NOTCH1: variants seen among roughly 807,000 people sequenced by gnomAD.
The protein encoded by NOTCH1 is neurogenic locus notch homolog protein 1.
In NOTCH1, 37 loss-of-function variants were observed where a neutral mutation model predicts 254.8. That is an observed-to-expected ratio of 0.15 (90% CI 0.11 to 0.19). The LOEUF (loss-of-function observed/expected upper bound fraction) is 0.19. Among genes scored for constraint, NOTCH1 ranks in the 10% least tolerant of loss-of-function variants. The pLI, the probability that NOTCH1 is intolerant of heterozygous loss-of-function variation, is 1.00. For synonymous variants in NOTCH1, 1,731 were observed against 1,618.1 expected (o/e 1.07, Z -1.68); for missense variants, 2,972 against 3,708.6 (o/e 0.80, Z 5.16).
chr9:136,518,628 C>G lies in NOTCH1; in HGVS notation c.1062G>C (p.Val354=), dbSNP rs767138404. Residue 354 remains valine, a synonymous_variant, in exon 6 of 34, where the codon GTG becomes GTC. Transcript: ENST00000651671. The stretch of plus-strand genomic sequence containing the variant: ...GGGGACACTCGCAGTAGAAGGAGGC[C>G]ACACGGTCATGGCAGGTGGCGCCGT... The part of the protein sequence containing the change: ...CFHGATCHDR[V]ASFYCECPHG... 13 of 1,612,716 alleles carry G rather than the reference C, an allele frequency of 8.1e-6. No homozygotes were observed. Among genetic ancestry groups the G allele is most frequent in the Admixed American group, 1.7e-5 (1 of 60,002 alleles).
At chr9:136,541,279 C>G (rs955412271) in intron 2 of NOTCH1, among the ~76,000 whole-genome samples, 1 of 152,174 alleles carries the variant, frequency 6.6e-6, no homozygotes, top group Non-Finnish European at 1.5e-5. Flanking sequence ...TTTTTCCAAT[C>G]CCGGGCCCTG....
chr9:136,511,297 C>A lies in NOTCH1; in HGVS notation c.2468-26G>T, dbSNP rs1019272684. 5 of 1,596,826 alleles carry A rather than the reference C, an allele frequency of 3.1e-6. No individual in the cohort carries two copies. In the African/African-American group the frequency reaches 4.0e-5, roughly 13 times the overall value. On this transcript the variant is annotated intron_variant, in intron 15 of 33. Transcript: ENST00000651671. ...CTGCGGGAAGGAGACACACGTGACC[C>A]CGGGAGCCTCACCCAGAGGGATCTC...
At chr9:136,500,451 C>T (rs985771124) in intron 31 of NOTCH1, 101 bp downstream of exon 31, 1 of 1,447,336 alleles carries the variant, frequency 6.9e-7, no homozygotes, top group Non-Finnish European at 9.6e-7. Flanking sequence ...CTCAGCTGTG[C>T]TCGGGGTCAG....
chr9:136,509,228 T>G (rs1843138862), intron 18 of NOTCH1, among the ~76,000 whole-genome samples, 157 bp from the exon 19 acceptor site: 1 of 152,146 alleles, frequency 6.6e-6, no homozygotes, highest in African/African-American at 2.4e-5. Context: ...GGGAGGCCAG[T>G]GGGAACCCGG....
intron 31 of NOTCH1, 130 bp downstream of exon 31, chr9:136,500,422 A>C: frequency 8.9e-7 from 1 of 1,128,820 alleles, no homozygotes. Context: ...TCCCAGGTGG[A>C]GGCACCAGTT....
rs576944077 is a variant in NOTCH1 at position 136,540,888 on chromosome 9, G to A, written c.140+3136C>T. On this transcript the variant is annotated intron_variant, in intron 2 of 33. Coordinates refer to ENST00000651671, the MANE Select transcript of NOTCH1 (RefSeq NM_017617.5). The surrounding 1 kb of genome is among the most constrained non-coding windows in gnomAD (Gnocchi z 4.4). ...CCCTGCCTCAACGCCCAGCCCAGAC[G>A]CAGGCAGCCCTGGGAGAGCGTTTCA... is the stretch of plus-strand genomic sequence containing the variant. 2.0e-5 allele frequency among the ~76,000 whole-genome samples: 3 copies of A among 152,240 alleles called. No individual in the cohort carries two copies. The highest frequency in any genetic ancestry group is 6.5e-5 in the Admixed American group (1 of 15,298).
At chr9:136,524,289 G>A (rs532780949) in intron 2 of NOTCH1, among the ~76,000 whole-genome samples, 1 of 152,324 alleles carries the variant, frequency 6.6e-6, no homozygotes, top group South Asian at 2.1e-4. Flanking sequence ...CTGGGTGACA[G>A]AGCAAGACTC....
chr9:136,513,074 G>C lies in NOTCH1; in HGVS notation c.2414C>G (p.Thr805Arg). ...CASNPCLNQG[T>R]CIDDVAGYKC... ...GTACCCGGCAACGTCGTCAATACAC[G>C]TGCCCTGGTTCAGACATGGGTTGGA... Residue 805 changes from threonine (T) to arginine (R), a missense_variant, in exon 15 of 34, where the codon ACG (threonine) becomes AGG (arginine). Coordinates refer to ENST00000651671, the MANE Select transcript of NOTCH1 (RefSeq NM_017617.5). The surrounding 1 kb of genome is among the most constrained non-coding windows in gnomAD (Gnocchi z 4.7). The C allele has an allele frequency of 1.3e-6, 2 of 1,542,744 alleles. No homozygotes were observed. Among genetic ancestry groups the C allele is most frequent in the South Asian group, 2.2e-5 (2 of 90,092 alleles).
chr9:136,516,167 C>T (rs1400478668), intron 9 of NOTCH1, 73 bp from the exon 10 acceptor site: 23 of 1,188,240 alleles, frequency 1.9e-5, no homozygotes, highest in Non-Finnish European at 2.4e-5. Context: ...CCTGGCCAGA[C>T]CCCAGCAGTG....
intron 2 of NOTCH1, among the ~76,000 whole-genome samples, chr9:136,537,304 C>T (rs1378547569): frequency 6.6e-6 from 1 of 152,156 alleles, no homozygotes; most frequent in African/African-American, 2.4e-5. Flanking sequence ...AGTTCTAGTC[C>T]ACGCGTGACA....
At chr9:136,535,460 TAGGC>T (rs1843631548) in intron 2 of NOTCH1, among the ~76,000 whole-genome samples, 1 of 132,050 alleles carries the variant, frequency 7.6e-6, no homozygotes, top group Non-Finnish European at 1.6e-5. Context: ...GGGTGCAGGG[TAGGC>T]GGGGAGCACT....
In NOTCH1 at chr9:136,496,110, C is replaced by T. The variant is rs2133313808; in HGVS notation, c.7629G>A (p.Met2543Ile). Reference sequence around the variant, plus strand: ...CCGGAATGCGGGCGATCTGGGACTGCATGCTGGTGGGAGGGCTGGAGACGC... The same window carrying T: ...CCGGAATGCGGGCGATCTGGGACTGTATGCTGGTGGGAGGGCTGGAGACGC... ...SEGVSSPPTS[M>I]QSQIARIPEA... The change falls in exon 34 of 34, where the codon ATG becomes ATA. Residue 2543 changes from methionine to isoleucine, a missense_variant. Around this residue, in one of 8 missense-constraint regions of NOTCH1, gnomAD observed 85 missense variants for 126.1 expected, o/e 0.67. Transcript: ENST00000651671. 1.2e-6 allele frequency: 2 copies of T among 1,608,874 alleles called. No individual in the cohort carries two copies. The highest frequency in any genetic ancestry group is 8.5e-7 in the Non-Finnish European group (1 of 1,179,400).
intron 2 of NOTCH1, among the ~76,000 whole-genome samples, chr9:136,539,189 C>T (rs758441546): frequency 1.3e-5 from 2 of 152,194 alleles, no homozygotes; most frequent in Non-Finnish European, 2.9e-5. Context: ...CTTTCTCCCT[C>T]TCTCTTTTTC....
rs1399413024 is a variant in NOTCH1 at position 136,506,178 on chromosome 9, C to A, written c.4015-297G>T. Among the ~76,000 whole-genome samples, 1 of 152,068 alleles carries A rather than the reference C, an allele frequency of 6.6e-6. No individual in the cohort carries two copies. The highest frequency in any genetic ancestry group is 1.5e-5 in the Non-Finnish European group (1 of 68,004). On this transcript the variant is annotated intron_variant, in intron 24 of 33. Transcript: ENST00000651671. The surrounding 1 kb of genome is among the most constrained non-coding windows in gnomAD (Gnocchi z 4.5). ...TGGGCAGGCATGTCATACCTCAGCCCAAACCCACAACCACAAAGCCAAGGG... is the reference window on the plus strand; with the variant it reads ...TGGGCAGGCATGTCATACCTCAGCCAAAACCCACAACCACAAAGCCAAGGG...
Position 136,544,091 on chromosome 9 carries a change from A to C in NOTCH1, c.73T>G (p.Ser25Ala). The C allele has an allele frequency of 6.3e-7, 1 of 1,576,188 alleles. No homozygotes were observed. Among genetic ancestry groups the C allele is most frequent in the South Asian group, 1.2e-5 (1 of 86,090 alleles). ...TTCAGGCAGGTCTCACCGGGCTGGG[A>C]GCATCGCGGGCCTAGGCAGGGGCAG... ...PALAARGPRC[S>A]QPGETCLNGG... Residue 25 changes from serine (S) to alanine (A), a missense_variant, in exon 2 of 34, where the codon TCC becomes GCC. By Grantham distance (99) the Ser-to-Ala change is moderately conservative. Around this residue, in one of 8 missense-constraint regions of NOTCH1, gnomAD observed 374 missense variants for 496.3 expected, o/e 0.75. Coordinates refer to ENST00000651671, the MANE Select transcript of NOTCH1 (RefSeq NM_017617.5).
intron 27 of NOTCH1, 101 bp downstream of exon 27, chr9:136,503,081 C>T (rs1399425169): frequency 6.5e-7 from 1 of 1,543,170 alleles, no homozygotes; most frequent in South Asian, 1.1e-5. Context: ...AACGCTCACA[C>T]CCGTGGGTAG....
chr9:136,542,095 C>T (rs1843740434), intron 2 of NOTCH1, among the ~76,000 whole-genome samples: 1 of 152,208 alleles, frequency 6.6e-6, no homozygotes, highest in African/African-American at 2.4e-5. Flanking sequence ...GGCCCTGTGG[C>T]AGGGTTTTAA....
In NOTCH1 at chr9:136,501,854, A is replaced by G. The variant is rs775425067; in HGVS notation, c.5532T>C (p.Thr1844=). The change falls in exon 30 of 34, where the codon ACT becomes ACC. Residue 1844 remains threonine, a synonymous_variant. Transcript: ENST00000651671. ...GGTCAGCGGCATCCAGGTGCTGCTGAGTCCACTGCCGGTGGTCTGTCTGGT... is the reference window on the plus strand; with the variant it reads ...GGTCAGCGGCATCCAGGTGCTGCTGGGTCCACTGCCGGTGGTCTGTCTGGT... ...LDDQTDHRQW[T]QQHLDAADLR... 2.5e-6 allele frequency: 4 copies of G among 1,612,664 alleles called. No individual in the cohort carries two copies. The highest frequency in any genetic ancestry group is 3.4e-6 in the Non-Finnish European group (4 of 1,179,966).
intron 4 of NOTCH1, among the ~76,000 whole-genome samples, chr9:136,521,245 G>C (rs1843362090): frequency 6.6e-6 from 1 of 152,098 alleles, no homozygotes; most frequent in Non-Finnish European, 1.5e-5. Flanking sequence ...CTCCACAGCA[G>C]GCAGTGAGCA....
Sources: gnomAD v4.1 joint callset for allele counts (sites outside exome capture counted in the v4.1 genomes callset) on GRCh38, gnomAD v4.1.1 for gene constraint, gnomAD v4.1.1 regional missense constraint, Gnocchi (gnomAD v3.1) non-coding constraint, MANE v1.5 for transcripts, NCBI Gene and HGNC (gene_info 2026-07-23, HGNC 2026-07-21) for gene names.